The following XKR4 variants were observed in gnomAD, a reference collection of about 807,000 sequenced individuals.
XKR4 encodes XK related 4.
XKR4 carries 12 observed loss-of-function variants against 53.9 expected under a neutral mutation model. The observed-to-expected ratio is 0.22, with a 90% confidence interval of 0.14 to 0.36. The LOEUF (loss-of-function observed/expected upper bound fraction) is 0.36. XKR4 is among the 10% of genes least tolerant of loss of function. The pLI is 1.00. For synonymous variants in XKR4, 354 were observed against 362.4 expected, an observed-to-expected ratio of 0.98 and a Z score of 0.26; for missense variants, 799 against 859.5, an observed-to-expected ratio of 0.93 and a Z score of 0.88.
At chr8:55,116,738 T>C (rs1270196890) in intron 1 of XKR4, among the ~76,000 whole-genome samples, 2 of 152,214 alleles carry the variant, frequency 1.3e-5, no homozygotes, top group African/African-American at 4.8e-5. Context: ...GCTGTCACTT[T>C]TCTTGCTAGG....
At chr8:55,395,944 A>C (rs996985493) in intron 2 of XKR4, among the ~76,000 whole-genome samples, 1 of 152,194 alleles carries the variant, frequency 6.6e-6, no homozygotes, top group Non-Finnish European at 1.5e-5. Context: ...CTGAGGGCCC[A>C]CTTTCTGGTT....
chr8:55,313,544 GA>G, intron 1 of XKR4, among the ~76,000 whole-genome samples: 1 of 152,186 alleles, frequency 6.6e-6, no homozygotes, highest in South Asian at 2.1e-4. Flanking sequence ...TGCTGAGAGA[GA>G]GAGCAGGGTA....
At chr8:55,282,104 C>A (rs1818851724) in intron 1 of XKR4, among the ~76,000 whole-genome samples, 1 of 152,206 alleles carries the variant, frequency 6.6e-6, no homozygotes, top group African/African-American at 2.4e-5. Flanking sequence ...AGGGAAAGAA[C>A]TCTAGCCATA....
At chr8:55,283,989 A>G (rs1471450664) in intron 1 of XKR4, among the ~76,000 whole-genome samples, 1 of 152,208 alleles carries the variant, frequency 6.6e-6, no homozygotes, top group African/African-American at 2.4e-5. Context: ...ATGACTACAC[A>G]TTGAAGGATG....
intron 1 of XKR4, among the ~76,000 whole-genome samples, chr8:55,152,060 C>A (rs749113417): frequency 6.6e-6 from 1 of 152,052 alleles, no homozygotes; most frequent in Non-Finnish European, 1.5e-5. Context: ...ATCTTATCTG[C>A]GTTTTCTAAG....
intron 1 of XKR4, among the ~76,000 whole-genome samples, chr8:55,296,351 G>A (rs1308314496): frequency 2.0e-5 from 3 of 152,264 alleles, no homozygotes; most frequent in Non-Finnish European, 2.9e-5. Flanking sequence ...TTGACTGAAC[G>A]TCCATATGGC....
At chr8:55,148,180 T>C (rs1238349625) in intron 1 of XKR4, among the ~76,000 whole-genome samples, 2 of 152,178 alleles carry the variant, frequency 1.3e-5, no homozygotes, top group Admixed American at 1.3e-4. Context: ...GGCATATAGC[T>C]TCCTTTTCTT....
At chr8:55,416,782 T>C (rs1804859250) in intron 2 of XKR4, among the ~76,000 whole-genome samples, 1 of 152,208 alleles carries the variant, frequency 6.6e-6, no homozygotes, top group African/African-American at 2.4e-5. Flanking sequence ...TTTTACCTGA[T>C]ACCACAGCGA....
intron 2 of XKR4, chr8:55,452,370 G>C: frequency 1.6e-6 from 1 of 631,014 alleles, no homozygotes; most frequent in Non-Finnish European, 2.9e-6. Context: ...GAGCATCCCC[G>C]TGAAGATGAC....
At chr8:55,107,998 G>C (rs985286977) in intron 1 of XKR4, among the ~76,000 whole-genome samples, 4 of 152,188 alleles carry the variant, frequency 2.6e-5, no homozygotes, top group African/African-American at 9.7e-5. Context: ...TAATAGGGAA[G>C]ACAGAAAAGT....
intron 2 of XKR4, among the ~76,000 whole-genome samples, chr8:55,507,290 T>C (rs1340613878): frequency 6.6e-6 from 1 of 152,218 alleles, no homozygotes; most frequent in Non-Finnish European, 1.5e-5. Flanking sequence ...CCTATACATA[T>C]ATTTATAAAA....
chr8:55,510,875 G>A (rs1243606984), intron 2 of XKR4, among the ~76,000 whole-genome samples: 2 of 152,200 alleles, frequency 1.3e-5, no homozygotes, highest in African/African-American at 4.8e-5. Context: ...GCCCTGCGAT[G>A]AGAAGGGTGA....
chr8:55,354,876 G>T (rs977539118), intron 1 of XKR4, among the ~76,000 whole-genome samples: 1 of 151,368 alleles, frequency 6.6e-6, no homozygotes. Flanking sequence ...TGACACAAAG[G>T]ATGATGGATA....
Position 55,275,628 on chromosome 8 carries a change from T to C in XKR4, c.807-82050T>C, listed in dbSNP as rs150013683. On this transcript the variant is annotated intron_variant, in intron 1 of 2. Coordinates refer to ENST00000327381, the MANE Select transcript of XKR4 (RefSeq NM_052898.2). ...CATTGCAGAATCTAGATCTGCAACA[T>C]TGATATTTTGCCATAAAATACTTTT... 5.0e-4 allele frequency among the ~76,000 whole-genome samples: 76 copies of C among 152,326 alleles called. No individual in the cohort carries two copies. In the East Asian group the frequency reaches 9.6e-3, roughly 19 times the overall value.
At chr8:55,436,679 T>C (rs1230202783) in intron 2 of XKR4, among the ~76,000 whole-genome samples, 4 of 152,234 alleles carry the variant, frequency 2.6e-5, no homozygotes, top group Admixed American at 6.5e-5. Flanking sequence ...CTCGGTGTCA[T>C]GTCTCTGTGA....
chr8:55,513,700 TG>T lies in XKR4; in HGVS notation c.1007-9579del. On this transcript the variant is annotated intron_variant, in intron 2 of 2. Transcript: ENST00000327381. ...GGTTCCATAGGTTTGTTTGGTTGTT[TG>T]GCTGGCCACCGTGCCTCTGGGCTTT... 1.3e-5 allele frequency among the ~76,000 whole-genome samples: 2 copies of T among 152,368 alleles called. 1 individual carries two copies.
intron 1 of XKR4, among the ~76,000 whole-genome samples, chr8:55,193,444 G>C (rs764496719): frequency 2.0e-5 from 3 of 151,984 alleles, no homozygotes; most frequent in Admixed American, 6.6e-5. Context: ...GTCCCTCCCT[G>C]CCCTGACCTC....
intron 1 of XKR4, among the ~76,000 whole-genome samples, chr8:55,295,120 A>C (rs1819083741): frequency 6.6e-6 from 1 of 152,220 alleles, no homozygotes; most frequent in Admixed American, 6.5e-5. Context: ...ACTCAGTGTA[A>C]GACACGAGGC....
intron 1 of XKR4, among the ~76,000 whole-genome samples, chr8:55,350,754 T>C (rs1364462438): frequency 1.3e-5 from 2 of 148,880 alleles, no homozygotes; most frequent in Non-Finnish European, 1.5e-5. Context: ...TTTTTTTTTT[T>C]TTTGAGACAG....
Sources: allele counts gnomAD v4.1 joint callset (sites outside exome capture counted in the v4.1 genomes callset), GRCh38; gene constraint gnomAD v4.1.1; transcripts MANE v1.5; gene names NCBI Gene and HGNC (gene_info 2026-07-23, HGNC 2026-07-21).